PRKCB: variants seen among roughly 807,000 people sequenced by gnomAD.
The protein encoded by PRKCB is protein kinase C beta type.
Under a neutral mutation model 81.5 loss-of-function variants are expected in PRKCB, and 13 were observed. That is an observed-to-expected ratio of 0.16 (90% CI 0.10 to 0.25). PRKCB has a LOEUF of 0.25. PRKCB is among the 10% of genes least tolerant of loss of function. The probability of loss-of-function intolerance (pLI) is 1.00; values close to 1 mark genes in which losing one functional copy is unlikely to be tolerated. For synonymous variants in PRKCB, 335 were observed against 321.4 expected, an observed-to-expected ratio of 1.04 and a Z score of -0.45; for missense variants, 509 against 875.7, an observed-to-expected ratio of 0.58 and a Z score of 5.29.
chr16:23,856,708 A>G (rs1226258185), intron 2 of PRKCB, among the ~76,000 whole-genome samples: 1 of 152,092 alleles, frequency 6.6e-6, no homozygotes, highest in Non-Finnish European at 1.5e-5. Flanking sequence ...AACTTTTTGT[A>G]GAGATAGGGT....
chr16:23,852,722 C>T (rs1314138543), intron 2 of PRKCB, among the ~76,000 whole-genome samples: 1 of 152,222 alleles, frequency 6.6e-6, no homozygotes, highest in African/African-American at 2.4e-5. Context: ...CTAGAAGCAT[C>T]ATCTCACAAT....
intron 2 of PRKCB, among the ~76,000 whole-genome samples, chr16:23,841,564 T>A (rs1962264467): frequency 6.6e-6 from 1 of 151,558 alleles, no homozygotes; most frequent in Non-Finnish European, 1.5e-5. Flanking sequence ...CATAGCTCAC[T>A]GCAGCCTCAA....
intron 4 of PRKCB, among the ~76,000 whole-genome samples, chr16:24,032,981 T>G (rs1215395048): frequency 6.6e-6 from 1 of 152,190 alleles, no homozygotes; most frequent in Non-Finnish European, 1.5e-5. Context: ...CCCACAGGTT[T>G]GTGCTGGAGG....
chr16:23,959,357 G>T (rs189302862), intron 2 of PRKCB, among the ~76,000 whole-genome samples: 2 of 152,164 alleles, frequency 1.3e-5, no homozygotes, highest in African/African-American at 4.8e-5. Context: ...AACTGACACT[G>T]TGGAAGGGGG....
intron 9 of PRKCB, among the ~76,000 whole-genome samples, chr16:24,148,083 T>C (rs1252478048): frequency 6.6e-6 from 1 of 152,188 alleles, no homozygotes; most frequent in Non-Finnish European, 1.5e-5. Flanking sequence ...ATTTGATTTC[T>C]GAAGCTTAAG....
intron 9 of PRKCB, among the ~76,000 whole-genome samples, chr16:24,151,078 C>T (rs767596864): frequency 6.6e-6 from 1 of 152,126 alleles, no homozygotes; most frequent in Non-Finnish European, 1.5e-5. Context: ...TTTTAGGTGC[C>T]GTGTAGTTGC....
chr16:24,176,610 A>G (rs1039720174), intron 12 of PRKCB, among the ~76,000 whole-genome samples: 8 of 152,092 alleles, frequency 5.3e-5, no homozygotes, highest in African/African-American at 1.9e-4. Flanking sequence ...GGTGCACATG[A>G]GGCTGGGCGC....
At chr16:24,192,298 G>A (rs1967805692) in intron 16 of PRKCB, among the ~76,000 whole-genome samples, 1 of 152,198 alleles carries the variant, frequency 6.6e-6, no homozygotes, top group Admixed American at 6.5e-5. Context: ...TTCGTTAGCT[G>A]TGTCATACAT....
At chr16:24,143,397 G>A (rs1221320322) in intron 9 of PRKCB, among the ~76,000 whole-genome samples, 1 of 152,090 alleles carries the variant, frequency 6.6e-6, no homozygotes, top group African/African-American at 2.4e-5. Flanking sequence ...CCTCCAAGGT[G>A]CTGGGACTAC....
At chr16:23,875,504 T>TATATATATATATATATATATATA (rs1962983747) in intron 2 of PRKCB, among the ~76,000 whole-genome samples, 2 of 34,720 alleles carry the variant, frequency 5.8e-5, no homozygotes, top group African/African-American at 3.7e-4. Context: ...TATATATATA[T>TATATATATATATATATATATATA]ATGATGTATA....
At chr16:23,905,237 T>TA (rs1463963196) in intron 2 of PRKCB, among the ~76,000 whole-genome samples, 9 of 152,142 alleles carry the variant, frequency 5.9e-5, no homozygotes, top group Admixed American at 5.2e-4. Context: ...AGTTTGGCCT[T>TA]ACGTCTGTGG....
intron 7 of PRKCB, among the ~76,000 whole-genome samples, chr16:24,098,038 G>A (rs902664028): frequency 6.6e-6 from 1 of 152,176 alleles, no homozygotes; most frequent in African/African-American, 2.4e-5. Flanking sequence ...ATGAGACATC[G>A]TGTCTGACTC....
intron 3 of PRKCB, among the ~76,000 whole-genome samples, chr16:24,006,835 A>AG (rs1239484238): frequency 2.9e-5 from 4 of 138,698 alleles, no homozygotes; most frequent in African/African-American, 3.1e-5. Context: ...TACGGGGAGC[A>AG]GGGGGTGGGG....
At chr16:23,983,428 G>A (rs1054486953) in intron 2 of PRKCB, among the ~76,000 whole-genome samples, 1 of 152,090 alleles carries the variant, frequency 6.6e-6, no homozygotes, top group African/African-American at 2.4e-5. Context: ...CATTTCTGTG[G>A]GTAATTGGAA....
At chr16:23,999,738 C>T (rs1965007403) in intron 3 of PRKCB, among the ~76,000 whole-genome samples, 1 of 152,232 alleles carries the variant, frequency 6.6e-6, no homozygotes, top group African/African-American at 2.4e-5. Flanking sequence ...ACCACATACA[C>T]AGCCTCCTGT....
chr16:24,113,480 T>C lies in PRKCB; in HGVS notation c.918+411T>C, dbSNP rs150741627. Among the ~76,000 whole-genome samples the C allele has an allele frequency of 3.8e-3, 570 of 150,100 alleles. 6 individuals carry two copies. Among genetic ancestry groups the C allele is most frequent in the African/African-American group, 0.014 (547 of 40,516 alleles). ...CTTTCTCTCTCCTTCCTTCTTCCTT[T>C]CTTCCTTCCTTCCTTTCCTCCCTTC... On this transcript the variant is annotated intron_variant, in intron 8 of 16. Coordinates refer to ENST00000643927, the MANE Select transcript of PRKCB (RefSeq NM_002738.7).
intron 2 of PRKCB, among the ~76,000 whole-genome samples, chr16:23,840,424 G>A (rs1326067755): frequency 6.6e-6 from 1 of 152,144 alleles, no homozygotes; most frequent in African/African-American, 2.4e-5. Context: ...TAGCAGGAAG[G>A]AAGAAAGGGG....
chr16:24,005,237 A>G (rs1169012414), intron 3 of PRKCB, among the ~76,000 whole-genome samples: 1 of 149,260 alleles, frequency 6.7e-6, no homozygotes, highest in Non-Finnish European at 1.5e-5. Context: ...AAAAAAAAAA[A>G]GCAGACAACA....
At position 24,101,297 on chromosome 16, in the gene PRKCB, C is replaced by T. The variant is rs76596136; in HGVS notation, c.821+7000C>T. Among the ~76,000 whole-genome samples the T allele has an allele frequency of 4.4e-3, 671 of 152,230 alleles. 11 individuals are homozygous for T. In the East Asian group the frequency reaches 0.07, roughly 16 times the overall value. On this transcript the variant is annotated intron_variant, in intron 7 of 16. Transcript: ENST00000643927. Reference sequence around the variant, plus strand: ...TGTGGTGGCTCATATCTGTAATCCCCGCACTTTGGGAGTGCCAAGGTGGGA... The same window carrying T: ...TGTGGTGGCTCATATCTGTAATCCCTGCACTTTGGGAGTGCCAAGGTGGGA...
Sources: allele counts gnomAD v4.1 joint callset (sites outside exome capture counted in the v4.1 genomes callset), GRCh38; gene constraint gnomAD v4.1.1; transcripts MANE v1.5; gene names NCBI Gene and HGNC (gene_info 2026-07-23, HGNC 2026-07-21).